CDH18: variants seen among roughly 807,000 people sequenced by gnomAD.
CDH18 encodes cadherin-18.
CDH18 carries 31 observed loss-of-function variants against 67.9 expected under a neutral mutation model. That is an observed-to-expected ratio of 0.46 (90% CI 0.34 to 0.62). CDH18 has a LOEUF of 0.62. Ranked by LOEUF, CDH18 falls within the 20% of genes least tolerant of loss-of-function variation. The probability of loss-of-function intolerance (pLI) is 0.01; values close to 1 mark genes in which losing one functional copy is unlikely to be tolerated. For missense variants in CDH18, 890 were observed against 975.5 expected (o/e 0.91, Z 1.17); for synonymous variants, 362 against 347.2 (o/e 1.04, Z -0.48).
At chr5:20,413,452 T>C (rs1580942431) in intron 1 of CDH18, among the ~76,000 whole-genome samples, 1 of 152,164 alleles carries the variant, frequency 6.6e-6, no homozygotes, top group Admixed American at 6.5e-5. Context: ...TTCCTATTTC[T>C]CCACAGCCTC....
chr5:20,498,330 C>T (rs116385016), intron 1 of CDH18, among the ~76,000 whole-genome samples: 1,630 of 152,170 alleles, frequency 0.011, 23 homozygotes, highest in African/African-American at 0.036. Flanking sequence ...CCAGATGTAA[C>T]ACAATCAGCT....
intron 2 of CDH18, among the ~76,000 whole-genome samples, chr5:20,231,332 G>A (rs144710176): frequency 3.1e-3 from 466 of 152,188 alleles, no homozygotes; most frequent in Middle Eastern, 0.01. Context: ...AATATCGGCC[G>A]GGCACATTGG....
At chr5:20,204,051 C>G (rs150399463) in intron 2 of CDH18, among the ~76,000 whole-genome samples, 1,686 of 152,034 alleles carry the variant, frequency 0.011, 30 homozygotes, top group African/African-American at 0.038. Context: ...GTTCAACAGG[C>G]AACTGAGCAA....
intron 1 of CDH18, among the ~76,000 whole-genome samples, chr5:20,292,736 C>T (rs552462236): frequency 1.1e-4 from 17 of 152,122 alleles, no homozygotes; most frequent in Middle Eastern, 3.4e-3. Context: ...CTTATAGAAG[C>T]GTCACTCTGT....
chr5:19,981,512 T>G (rs1212266240), intron 1 of CDH18, among the ~76,000 whole-genome samples: 1 of 152,092 alleles, frequency 6.6e-6, no homozygotes, highest in Non-Finnish European at 1.5e-5. Context: ...TCTTGCTGGG[T>G]CTTCATGTTG....
rs1770101696 is a variant in CDH18, at chr5:19,747,069, A to G, written c.396T>C (p.Asp132=). 6.2e-7 allele frequency: 1 copy of G among 1,614,140 alleles called. No homozygotes were observed. The highest frequency in any genetic ancestry group is 2.2e-5 in the East Asian group (1 of 44,858). Residue 132 remains aspartate (D), a synonymous_variant, in exon 4 of 13, where the codon GAT becomes GAC. Transcript: ENST00000382275. ...GCTCAAGAGGTTTGTTTGTACGTCT[A>G]TCAATAGCTTGAGCATGAAGCACAT... ...THYVLHAQAI[D]RRTNKPLEPE...
chr5:20,412,922 C>T (rs915539407), intron 1 of CDH18, among the ~76,000 whole-genome samples: 3 of 152,192 alleles, frequency 2.0e-5, no homozygotes, highest in African/African-American at 7.2e-5. Flanking sequence ...ATTAACTTGT[C>T]ATTTACATTA....
intron 1 of CDH18, among the ~76,000 whole-genome samples, chr5:20,261,061 T>A (rs1744613366): frequency 6.6e-6 from 1 of 152,184 alleles, no homozygotes; most frequent in South Asian, 2.1e-4. Flanking sequence ...ATTTGTCATG[T>A]GGCAATAGAC....
chr5:20,020,277 G>T (rs1264997950), intron 2 of CDH18, among the ~76,000 whole-genome samples: 1 of 152,188 alleles, frequency 6.6e-6, no homozygotes, highest in Non-Finnish European at 1.5e-5. Context: ...TGACCGTGAG[G>T]ATAGAAAATG....
chr5:19,555,109 C>T (rs904361260), intron 8 of CDH18, among the ~76,000 whole-genome samples: 6 of 152,152 alleles, frequency 3.9e-5, no homozygotes, highest in African/African-American at 1.4e-4. Context: ...CCAAATGGTA[C>T]TTCAGACGTT....
intron 5 of CDH18, among the ~76,000 whole-genome samples, chr5:19,649,807 G>A (rs1370870263): frequency 6.6e-6 from 1 of 151,418 alleles, no homozygotes; most frequent in Non-Finnish European, 1.5e-5. Flanking sequence ...AACTTCCAGG[G>A]TTCTTATATA....
chr5:20,369,971 C>A (rs1742839634), intron 1 of CDH18, among the ~76,000 whole-genome samples: 1 of 152,064 alleles, frequency 6.6e-6, no homozygotes, highest in Non-Finnish European at 1.5e-5. Context: ...AACCCATCAC[C>A]CAGGAATTAA....
At chr5:20,547,341 T>C (rs1183314083) in intron 1 of CDH18, among the ~76,000 whole-genome samples, 1 of 151,802 alleles carries the variant, frequency 6.6e-6, no homozygotes, top group African/African-American at 2.4e-5. Context: ...GTTGGGCGGA[T>C]CATTAGGTCA....
intron 2 of CDH18, among the ~76,000 whole-genome samples, chr5:20,184,718 T>C (rs770577726): frequency 6.6e-6 from 1 of 152,112 alleles, no homozygotes; most frequent in Non-Finnish European, 1.5e-5. Context: ...TTCCCATTGT[T>C]GAAGGCAATC....
chr5:20,466,858 G>T (rs920578092), intron 1 of CDH18, among the ~76,000 whole-genome samples: 1 of 151,986 alleles, frequency 6.6e-6, no homozygotes, highest in Non-Finnish European at 1.5e-5. Context: ...GATCTTAATG[G>T]TTTTTTACCA....
chr5:19,652,498 T>C (rs1043169011), intron 5 of CDH18, among the ~76,000 whole-genome samples: 1 of 151,988 alleles, frequency 6.6e-6, no homozygotes, highest in Admixed American at 6.6e-5. Flanking sequence ...ATGATATTTA[T>C]GAGGAATATT....
At position 19,918,866 on chromosome 5, in the gene CDH18, A is replaced by C. The variant is rs116173962; in HGVS notation, c.-257+62194T>G. On this transcript the variant is annotated intron_variant, in intron 2 of 12. Coordinates refer to ENST00000382275, the MANE Select transcript of CDH18 (RefSeq NM_004934.5). ...AAGCGTGTCTTTTATAATTTATAAG[A>C]AACCTCTTTCATGCACATCCCAGTT... Among the ~76,000 whole-genome samples, 1,239 of 151,838 alleles carry C rather than the reference A, an allele frequency of 8.2e-3. 16 individuals carry two copies. The highest frequency in any genetic ancestry group is 0.028 in the African/African-American group (1,174 of 41,238).
At chr5:20,331,998 G>T (rs553825877) in intron 1 of CDH18, among the ~76,000 whole-genome samples, 4 of 152,208 alleles carry the variant, frequency 2.6e-5, no homozygotes, top group African/African-American at 9.6e-5. Flanking sequence ...TAGACAATGA[G>T]GTTCACAGGC....
chr5:19,755,427 G>GTGTGTATATA (rs1554024291), intron 3 of CDH18, among the ~76,000 whole-genome samples: 2 of 44,660 alleles, frequency 4.5e-5, no homozygotes, highest in African/African-American at 6.4e-5. Flanking sequence ...AACTAACAGG[G>GTGTGTATATA]TATGTATATA....
Sources: gnomAD v4.1 joint callset for allele counts (sites outside exome capture counted in the v4.1 genomes callset) on GRCh38, gnomAD v4.1.1 for gene constraint, MANE v1.5 for transcripts, NCBI Gene and HGNC (gene_info 2026-07-23, HGNC 2026-07-21) for gene names.